Variants in SNX7 observed in about 807,000 individuals in gnomAD.
SNX7 encodes sorting nexin 7, also known as sorting nexin-7.
Under a neutral mutation model 48.4 loss-of-function variants are expected in SNX7, and 35 were observed. The observed-to-expected ratio is 0.72, with a 90% confidence interval of 0.55 to 0.96. The LOEUF (loss-of-function observed/expected upper bound fraction) is 0.96. Ranked by LOEUF, SNX7 falls within the 40% of genes least tolerant of loss-of-function variation. The pLI, the probability that SNX7 is intolerant of heterozygous loss-of-function variation, is 0.00. For synonymous variants in SNX7, 190 were observed against 190.2 expected (o/e 1.00, Z 0.01); for missense variants, 553 against 548.9 (o/e 1.01, Z -0.07).
intron 1 of SNX7, chr1:98,662,555 T>A: frequency 2.7e-6 from 2 of 749,656 alleles, no homozygotes; most frequent in Non-Finnish European, 3.6e-6. Context: ...CCGGGAAATT[T>A]AGGACCAAAG....
At chr1:98,758,339 T>TA (rs1325898969) in intron 8 of SNX7, among the ~76,000 whole-genome samples, 1 of 152,068 alleles carries the variant, frequency 6.6e-6, no homozygotes, top group African/African-American at 2.4e-5. Flanking sequence ...AGGCCATTCT[T>TA]ACTAGTTGGC....
chr1:98,729,294 A>T (rs758442031), intron 7 of SNX7, among the ~76,000 whole-genome samples: 1 of 152,174 alleles, frequency 6.6e-6, no homozygotes, highest in Non-Finnish European at 1.5e-5. Context: ...TTAAGAGGGA[A>T]GTTTATAGCA....
chr1:98,720,604 T>C (rs1278954793), intron 7 of SNX7, among the ~76,000 whole-genome samples: 2 of 152,212 alleles, frequency 1.3e-5, no homozygotes, highest in African/African-American at 4.8e-5. Context: ...TGGTACCCAC[T>C]GGCCACATGT....
intron 7 of SNX7, among the ~76,000 whole-genome samples, chr1:98,710,405 G>C (rs1271526100): frequency 6.6e-6 from 1 of 152,056 alleles, no homozygotes; most frequent in Admixed American, 6.6e-5. Flanking sequence ...AATTTCTAAC[G>C]AAAGACTAAG....
At chr1:98,678,953 T>C (rs1178246346) in intron 1 of SNX7, among the ~76,000 whole-genome samples, 1 of 152,080 alleles carries the variant, frequency 6.6e-6, no homozygotes, top group East Asian at 1.9e-4. Flanking sequence ...TAATGAACAC[T>C]CAGGAAAACA....
At chr1:98,711,836 A>G (rs1036344219) in intron 7 of SNX7, among the ~76,000 whole-genome samples, 1 of 152,212 alleles carries the variant, frequency 6.6e-6, no homozygotes, top group Non-Finnish European at 1.5e-5. Flanking sequence ...TTTTACCCAC[A>G]GAACTGCTTT....
chr1:98,721,146 G>A (rs1458849923), intron 7 of SNX7, among the ~76,000 whole-genome samples: 5 of 151,974 alleles, frequency 3.3e-5, no homozygotes, highest in Non-Finnish European at 7.4e-5. Context: ...CCAAAATCTG[G>A]TACTTTTTGA....
chr1:98,661,454 T>C (rs1325623889), upstream of SNX7, among the ~76,000 whole-genome samples: 1 of 152,098 alleles, frequency 6.6e-6, no homozygotes, highest in Admixed American at 6.5e-5. Flanking sequence ...ACCTCCTACC[T>C]TTGAGTCTCT....
intron 8 of SNX7, among the ~76,000 whole-genome samples, chr1:98,755,494 A>T (rs1553208467): frequency 6.6e-6 from 1 of 152,034 alleles, no homozygotes; most frequent in Non-Finnish European, 1.5e-5. Context: ...CTCTAGATGG[A>T]TGGCCCTTTT....
chr1:98,663,252 GGTTTTTTTTTTTTTTTTTTTTT>G (rs754287583), intron 1 of SNX7, among the ~76,000 whole-genome samples: 36,102 of 83,248 alleles, frequency 0.43, 6,301 homozygotes, highest in Non-Finnish European at 0.49. Context: ...GTTTCTTTCT[GGTTTTTTTTTTTTTTTTTTTTT>G]TTTTTTTTTT....
At chr1:98,727,146 T>C (rs4465229) in intron 7 of SNX7, among the ~76,000 whole-genome samples, 143,344 of 152,238 alleles carry the variant, frequency 0.94, 67,845 homozygotes, top group Non-Finnish European at 0.99. Flanking sequence ...GGACGTGGAG[T>C]GTGCAGCAAG....
In SNX7 at chr1:98,663,252, G is replaced by GTTTTTTTT. The variant is rs1491348958; in HGVS notation, c.180+1341_180+1342insTTTTTTTT. Among the ~76,000 whole-genome samples the GTTTTTTTT allele has an allele frequency of 3.7e-4, 31 of 83,158 alleles. 12 individuals are homozygous for GTTTTTTTT. Among genetic ancestry groups the GTTTTTTTT allele is most frequent in the East Asian group, 1.6e-3 (4 of 2,478 alleles). 54.6% of individuals were successfully genotyped at this position (83,158 alleles called of 152,430 possible). On this transcript the variant is annotated intron_variant, in intron 1 of 8. Coordinates refer to ENST00000306121, the MANE Select transcript of SNX7 (RefSeq NM_015976.5). The stretch of plus-strand genomic sequence containing the variant: ...ATCAGAATCATCAGGGTTTCTTTCT[G>GTTTTTTTT]GTTTTTTTTTTTTTTTTTTTTTTTT...
rs886687906 is a variant in SNX7, at chr1:98,676,344, AT to A, written c.181-8533del. 3.2e-3 allele frequency among the ~76,000 whole-genome samples: 483 copies of A among 151,934 alleles called. 7 individuals carry two copies. The highest frequency in any genetic ancestry group is 5.3e-3 in the Non-Finnish European group (357 of 67,918). On this transcript the variant is annotated intron_variant, in intron 1 of 8. Coordinates refer to ENST00000306121, the MANE Select transcript of SNX7 (RefSeq NM_015976.5). ...GATATAAAATGATTTATTTCACTGAATTTTTTTTGCAAGACATTTATTGCTT... is the reference window on the plus strand; with the variant it reads ...GATATAAAATGATTTATTTCACTGAATTTTTTTGCAAGACATTTATTGCTT...
chr1:98,732,856 T>C lies in SNX7; in HGVS notation c.1126-5381T>C, dbSNP rs565322573. 4.1e-4 allele frequency among the ~76,000 whole-genome samples: 62 copies of C among 152,246 alleles called. No individual in the cohort carries two copies. The Middle Eastern group carries it at 0.01, about 25-fold the overall frequency. ...TCATTGAAACATCAAATAAAAAACC[T>C]TGATAATGGAGAGAGGTCTCTCCCA... On this transcript the variant is annotated intron_variant, in intron 7 of 8. Coordinates refer to ENST00000306121, the MANE Select transcript of SNX7 (RefSeq NM_015976.5).
At chr1:98,691,021 A>T in intron 2 of SNX7, 54 bp from the exon 3 acceptor site, 1 of 1,182,230 alleles carries the variant, frequency 8.5e-7, no homozygotes, top group Non-Finnish European at 1.2e-6. Flanking sequence ...AACGTTAGGC[A>T]AATACCTTCT....
chr1:98,747,835 T>C (rs943379085), intron 8 of SNX7, among the ~76,000 whole-genome samples: 1 of 152,164 alleles, frequency 6.6e-6, no homozygotes, highest in African/African-American at 2.4e-5. Flanking sequence ...TATTATGTAC[T>C]TATTTTGTTG....
intron 8 of SNX7, among the ~76,000 whole-genome samples, chr1:98,740,227 T>C (rs1213527182): frequency 6.6e-6 from 1 of 152,198 alleles, no homozygotes; most frequent in Non-Finnish European, 1.5e-5. Flanking sequence ...ATAAAGTATT[T>C]CTTTTTAATA....
intron 1 of SNX7, among the ~76,000 whole-genome samples, chr1:98,667,803 A>C (rs1403877938): frequency 6.6e-6 from 1 of 152,130 alleles, no homozygotes; most frequent in Non-Finnish European, 1.5e-5. Context: ...CTGTAAAATG[A>C]GGATAAATAC....
intron 7 of SNX7, among the ~76,000 whole-genome samples, chr1:98,713,194 A>G (rs1165979504): frequency 6.6e-6 from 1 of 151,430 alleles, no homozygotes; most frequent in Non-Finnish European, 1.5e-5. Flanking sequence ...ATAACTTGTT[A>G]TAACTTGTAC....
Sources: allele counts gnomAD v4.1 joint callset (sites outside exome capture counted in the v4.1 genomes callset), GRCh38; gene constraint gnomAD v4.1.1; transcripts MANE v1.5; gene names NCBI Gene and HGNC (gene_info 2026-07-23, HGNC 2026-07-21).